SCART1: variants seen among roughly 807,000 people sequenced by gnomAD.
SCART1 encodes the protein scavenger receptor family member expressed on T cells 1, also known as scavenger receptor cysteine-rich domain-containing protein SCART1.
SCART1 carries 62 observed loss-of-function variants against 36.2 expected under a neutral mutation model. The observed-to-expected ratio is 1.71, with a 90% CI of 1.40 to 2.12. The LOEUF (loss-of-function observed/expected upper bound fraction) is 2.12. Ranked by LOEUF, SCART1 falls within the 30% of genes most tolerant of loss-of-function variation. The pLI is 0.00. For missense variants in SCART1, 1,041 were observed against 540.5 expected (o/e 1.93, Z -9.18); for synonymous variants, 487 against 238.7 (o/e 2.04, Z -9.59).
intron 2 of SCART1, 140 bp downstream of exon 2, chr10:133,456,694 T>G: frequency 3.5e-6 from 2 of 570,212 alleles, no homozygotes; most frequent in South Asian, 2.4e-5. Context: ...GGTCTGGAGC[T>G]CTCTCTGGGA....
In SCART1 at chr10:133,460,077, C is replaced by T; in HGVS notation, c.1876C>T (p.Gln626Ter). The change falls in exon 6 of 12, where the codon CAG becomes TAG. Residue 626 changes from glutamine (Q) to a stop codon, truncating the protein, a stop_gained. Coordinates refer to ENST00000640237, the Ensembl canonical transcript of SCART1. LOFTEE classifies it high-confidence loss of function. Reference sequence around the variant, plus strand: ...CATCTGGCTGGACGAGCTGGGCTGCCAGGGCCACGAGTCTGCGCTGTGGCA... The same window carrying T: ...CATCTGGCTGGACGAGCTGGGCTGCTAGGGCCACGAGTCTGCGCTGTGGCA... 1.9e-6 allele frequency: 1 copy of T among 515,930 alleles called. No individual in the cohort carries two copies. The highest frequency in any genetic ancestry group is 3.4e-6 in the Non-Finnish European group (1 of 293,892). The allele number at this position is 515,930 out of a possible 1,614,324, so 32.0% of individuals were successfully genotyped here.
chr10:133,456,978 G>A, intron 2 of SCART1: 1 of 522,974 alleles, frequency 1.9e-6, no homozygotes, highest in Admixed American at 3.7e-5. Flanking sequence ...ATGTGGCTGT[G>A]AGGACCCCCT....
chr10:133,456,077 G>C (rs1037998130), intron 1 of SCART1, among the ~76,000 whole-genome samples, 160 bp from the exon 2 acceptor site: 1 of 152,122 alleles, frequency 6.6e-6, no homozygotes, highest in African/African-American at 2.4e-5. Context: ...GGGTTTCTCT[G>C]TGAGCCGCGC....
rs543552921 is a variant in SCART1, at chr10:133,455,082, C to T, written c.67+1018C>T. Among the ~76,000 whole-genome samples, 47 of 152,188 alleles carry T rather than the reference C, an allele frequency of 3.1e-4. 2 individuals are homozygous for T. The South Asian group carries it at 8.7e-3, about 28-fold the overall frequency. Reference sequence around the variant, plus strand: ...ATGAGTTCGAGATCAGCCTGGCCAACATGGTGAAACCCCATCTCTACTAAA... The same window carrying T: ...ATGAGTTCGAGATCAGCCTGGCCAATATGGTGAAACCCCATCTCTACTAAA... On this transcript the variant is annotated intron_variant, in intron 1 of 11. Coordinates refer to ENST00000640237, the Ensembl canonical transcript of SCART1.
At chr10:133,458,768 GC>G (rs1850654963) in intron 4 of SCART1, 112 bp downstream of exon 4, 1 of 673,146 alleles carries the variant, frequency 1.5e-6, no homozygotes, top group African/African-American at 1.8e-5. Flanking sequence ...TTTGATGTTT[GC>G]TTCTGTTGGT....
chr10:133,457,839 A>G, intron 3 of SCART1: 1 of 543,022 alleles, frequency 1.8e-6, no homozygotes, highest in South Asian at 2.5e-5. Flanking sequence ...TGCAAGTCTG[A>G]GCTGCCTCAG....
chr10:133,459,674 C>T lies in SCART1; in HGVS notation c.1473C>T (p.Arg491=), dbSNP rs530671819. The change falls in exon 6 of 12, where the codon CGC becomes CGT. Residue 491 remains arginine, a synonymous_variant. Coordinates refer to ENST00000640237, the Ensembl canonical transcript of SCART1. ...CCTATGACGCACCTGCCCCCAGCCG[C>T]GGATCCGTCCAGGTGGCGCTGAGCC... The T allele has an allele frequency of 3.2e-5, 22 of 697,636 alleles. No homozygotes were observed. The East Asian group carries it at 4.6e-4, about 15-fold the overall frequency. The allele number at this position is 697,636 out of a possible 1,614,324, so 43.2% of individuals were successfully genotyped here. A position where few individuals can be genotyped will look rare whatever the true frequency, so the allele number is the denominator to read the frequency against.
At chr10:133,463,360 ATAT>A (rs1338638771) in intron 6 of SCART1, among the ~76,000 whole-genome samples, 1 of 152,170 alleles carries the variant, frequency 6.6e-6, no homozygotes, top group Non-Finnish European at 1.5e-5. Context: ...GTACAATGCA[ATAT>A]TATTAACTAC....
chr10:133,462,846 C>G (rs1369101966), intron 6 of SCART1, among the ~76,000 whole-genome samples: 3 of 152,184 alleles, frequency 2.0e-5, no homozygotes, highest in Non-Finnish European at 4.4e-5. Flanking sequence ...AAGTCCCAAG[C>G]CAGCCGCGAT....
intron 4 of SCART1, 88 bp from the exon 5 acceptor site, chr10:133,458,933 C>T (rs1047648077): frequency 3.5e-5 from 22 of 624,794 alleles, no homozygotes; most frequent in Non-Finnish European, 5.7e-5. Context: ...GTGCCCATCC[C>T]ACTGGGTGTG....
chr10:133,459,860 G>A, exon 6 of SCART1: 2 of 563,802 alleles, frequency 3.5e-6, no homozygotes, highest in Non-Finnish European at 3.1e-6. Context: ...CGGGCGCCCT[G>A]ACTCTGTCTC....
intron 6 of SCART1, chr10:133,464,298 CA>C (rs1385276805): frequency 1.9e-4 from 7 of 36,974 alleles, no homozygotes; most frequent in African/African-American, 4.4e-4. Context: ...CTGGGTGCTG[CA>C]GTGAACCTGG....
At chr10:133,457,070 G>A (rs758961222) in intron 2 of SCART1, 10 of 582,146 alleles carry the variant, frequency 1.7e-5, no homozygotes, top group African/African-American at 1.3e-4. Context: ...GATCCTGCGG[G>A]GAACCTTGTT....
intron 1 of SCART1, 49 bp downstream of exon 1, chr10:133,454,113 C>T: frequency 1.4e-6 from 1 of 702,834 alleles, no homozygotes; most frequent in Non-Finnish European, 2.6e-6. Context: ...GGCATCAGCT[C>T]TGTTGATGCC....
chr10:133,461,440 C>T (rs74723623), intron 6 of SCART1, among the ~76,000 whole-genome samples: 3,170 of 152,242 alleles, frequency 0.021, 104 homozygotes, highest in African/African-American at 0.072. Flanking sequence ...CTTTCTTCAG[C>T]GATATCTTGG....
chr10:133,463,099 A>G (rs1322328378), intron 6 of SCART1, among the ~76,000 whole-genome samples: 1 of 152,200 alleles, frequency 6.6e-6, no homozygotes, highest in African/African-American at 2.4e-5. Context: ...CTAACATGCC[A>G]TTAGGTGACC....
intron 1 of SCART1, among the ~76,000 whole-genome samples, chr10:133,454,636 C>T (rs1224422542): frequency 1.3e-5 from 2 of 152,038 alleles, no homozygotes; most frequent in Middle Eastern, 3.2e-3. Context: ...GACCTGCGTA[C>T]GTGGGCATGG....
At chr10:133,468,710 A>C (rs1036388017) in exon 12 of SCART1, 1 of 152,208 alleles carries the variant, frequency 6.6e-6, no homozygotes, top group Non-Finnish European at 1.5e-5. Context: ...CTTTTATCAA[A>C]TTCTTTTTTG....
intron 6 of SCART1, among the ~76,000 whole-genome samples, chr10:133,464,043 C>T (rs976970153): frequency 1.3e-5 from 2 of 152,120 alleles, no homozygotes; most frequent in South Asian, 4.1e-4. Flanking sequence ...CATTTTTAAG[C>T]TTCCATTTAT....
Sources: allele counts gnomAD v4.1 joint callset (sites outside exome capture counted in the v4.1 genomes callset), GRCh38; gene constraint gnomAD v4.1.1; transcripts MANE v1.5; gene names NCBI Gene and HGNC (gene_info 2026-07-23, HGNC 2026-07-21).